UBE2D3: variants seen among roughly 807,000 people sequenced by gnomAD.
UBE2D3 encodes ubiquitin conjugating enzyme E2 D3.
A neutral mutation model predicts 22.8 loss-of-function variants in UBE2D3; 2 were observed. The observed-to-expected ratio is 0.09, with a 90% confidence interval of 0.04 to 0.28. The LOEUF (loss-of-function observed/expected upper bound fraction) is 0.28. Among genes scored for constraint, UBE2D3 ranks in the 10% least tolerant of loss-of-function variants. The probability of loss-of-function intolerance (pLI) is 1.00; values close to 1 mark genes in which losing one functional copy is unlikely to be tolerated. For synonymous variants in UBE2D3, 56 were observed against 60.4 expected, an observed-to-expected ratio of 0.93 and a Z score of 0.34; for missense variants, 27 against 182.5, an observed-to-expected ratio of 0.15 and a Z score of 4.91.
intron 4 of UBE2D3, among the ~76,000 whole-genome samples, chr4:102,805,924 TATCTC>T (rs1340970678): frequency 7.2e-5 from 11 of 152,324 alleles, no homozygotes; most frequent in Admixed American, 2.6e-4. Context: ...CTTCCTCTCT[TATCTC>T]AGAATCAAGA....
intron 2 of UBE2D3, among the ~76,000 whole-genome samples, chr4:102,815,020 A>C (rs889649195): frequency 5.9e-5 from 9 of 152,090 alleles, no homozygotes; most frequent in African/African-American, 1.7e-4. Context: ...ATATGTTAAA[A>C]TGTCTGAACA....
chr4:102,834,772 T>C (rs1056609379), intron 1 of UBE2D3, among the ~76,000 whole-genome samples: 15 of 151,810 alleles, frequency 9.9e-5, no homozygotes, highest in African/African-American at 3.6e-4. Context: ...GATTCAACTT[T>C]TTTTTTTTTT....
At chr4:102,824,394 T>C (rs924457434) in intron 2 of UBE2D3, among the ~76,000 whole-genome samples, 1 of 152,220 alleles carries the variant, frequency 6.6e-6, no homozygotes, top group Non-Finnish European at 1.5e-5. Context: ...ATTAATCCAT[T>C]TAATCGTCAA....
At chr4:102,823,313 C>T (rs1374648187) in intron 2 of UBE2D3, among the ~76,000 whole-genome samples, 1 of 152,142 alleles carries the variant, frequency 6.6e-6, no homozygotes, top group Non-Finnish European at 1.5e-5. Flanking sequence ...ATCTTCTTAA[C>T]CTCTATGCCT....
intron 2 of UBE2D3, among the ~76,000 whole-genome samples, chr4:102,822,080 G>A (rs1325725059): frequency 6.6e-6 from 1 of 152,300 alleles, no homozygotes; most frequent in East Asian, 1.9e-4. Context: ...CCTAAACTCA[G>A]GGGCAAAGTT....
At chr4:102,815,838 T>C (rs146184170) in intron 2 of UBE2D3, among the ~76,000 whole-genome samples, 1 of 152,196 alleles carries the variant, frequency 6.6e-6, no homozygotes, top group African/African-American at 2.4e-5. Flanking sequence ...CTAAGTATTT[T>C]AACAATCAAA....
chr4:102,815,029 C>G (rs1199117131), intron 2 of UBE2D3, among the ~76,000 whole-genome samples: 1 of 151,780 alleles, frequency 6.6e-6, no homozygotes, highest in African/African-American at 2.4e-5. Context: ...AATGTCTGAA[C>G]AAAAATATTT....
chr4:102,868,776 C>T (rs1733311657), exon 1 of UBE2D3: 2 of 1,614,000 alleles, frequency 1.2e-6, no homozygotes, highest in South Asian at 2.2e-5. Context: ...CACACAGTAT[C>T]CTTTCTGCTG....
chr4:102,826,667 G>T, intron 1 of UBE2D3, 31 bp from the exon 2 acceptor site: 1 of 1,526,630 alleles, frequency 6.6e-7, no homozygotes, highest in Non-Finnish European at 8.7e-7. Context: ...ATCAGCACTC[G>T]CACAGGCCCC....
At chr4:102,809,642 A>T in intron 4 of UBE2D3, 30 bp downstream of exon 4, 7 of 1,573,972 alleles carry the variant, frequency 4.4e-6, no homozygotes, top group Non-Finnish European at 5.2e-6. Context: ...TTTTCACTTA[A>T]AACTAAATTT....
At chr4:102,803,831 C>T (rs916503016) in intron 4 of UBE2D3, among the ~76,000 whole-genome samples, 4 of 152,216 alleles carry the variant, frequency 2.6e-5, no homozygotes, top group Non-Finnish European at 4.4e-5. Flanking sequence ...CGCAGTGGCA[C>T]GATCTCAGCT....
At chr4:102,798,742 T>C (rs1256986625) in intron 7 of UBE2D3, among the ~76,000 whole-genome samples, 3 of 151,722 alleles carry the variant, frequency 2.0e-5, no homozygotes, top group Non-Finnish European at 1.5e-5. Flanking sequence ...TGCAGTACTT[T>C]CAAGCAATAA....
intron 4 of UBE2D3, among the ~76,000 whole-genome samples, chr4:102,805,866 T>C (rs1479088830): frequency 3.9e-5 from 6 of 152,188 alleles, no homozygotes; most frequent in Non-Finnish European, 8.8e-5. Flanking sequence ...TGTTTATTAA[T>C]AGCAAGCCAT....
rs386626793 is a variant in UBE2D3, at chr4:102,853,135, A to ATCTTTTTTTTTTTTTTTT, written c.-129+15579_-129+15580insAAAAAAAAAAAAAAAAGA. On this transcript the variant is annotated intron_variant, in intron 1 of 7. Coordinates refer to the UBE2D3 transcript ENST00000338145. The stretch of plus-strand genomic sequence containing the variant: ...GTCAAAATTACACACAAACACACAC[A>ATCTTTTTTTTTTTTTTTT]TTTTTTTTTTTTTTTTTTTTTTTTT... Among the ~76,000 whole-genome samples, 29 of 88,606 alleles carry ATCTTTTTTTTTTTTTTTT rather than the reference A, an allele frequency of 3.3e-4. 7 individuals are homozygous for ATCTTTTTTTTTTTTTTTT. Among genetic ancestry groups the ATCTTTTTTTTTTTTTTTT allele is most frequent in the African/African-American group, 1.0e-3 (21 of 21,084 alleles). The allele number at this position is 88,606 out of a possible 152,430, so 58.1% of individuals were successfully genotyped here. A position where few individuals can be genotyped will look rare whatever the true frequency, so the allele number is the denominator to read the frequency against.
At chr4:102,826,903 G>A in intron 1 of UBE2D3, 3 of 1,043,160 alleles carry the variant, frequency 2.9e-6, no homozygotes, top group African/African-American at 1.7e-5. Context: ...GGGTGGGTGC[G>A]GGGCAGGGTC....
At chr4:102,798,862 A>C (rs1389118775) in intron 7 of UBE2D3, 1 of 1,467,678 alleles carries the variant, frequency 6.8e-7, no homozygotes, top group African/African-American at 1.4e-5. Flanking sequence ...CAGTGCCTTA[A>C]CGCATGCAGC....
intron 1 of UBE2D3, among the ~76,000 whole-genome samples, chr4:102,867,652 C>T (rs1229680699): frequency 1.3e-5 from 2 of 152,106 alleles, no homozygotes; most frequent in African/African-American, 4.8e-5. Context: ...TTTTAAAATT[C>T]GTTGGGTGTG....
intron 7 of UBE2D3, among the ~76,000 whole-genome samples, chr4:102,797,703 G>C (rs938842655): frequency 6.6e-6 from 1 of 151,870 alleles, no homozygotes; most frequent in Non-Finnish European, 1.5e-5. Context: ...ACTGAAAATT[G>C]GGAGGCTAAC....
chr4:102,831,795 C>G (rs1202762875), upstream of UBE2D3, among the ~76,000 whole-genome samples: 2 of 151,986 alleles, frequency 1.3e-5, no homozygotes, highest in Admixed American at 1.3e-4. Flanking sequence ...GGGTGAGGCA[C>G]GATAAAGAGA....
Sources: allele counts gnomAD v4.1 joint callset (sites outside exome capture counted in the v4.1 genomes callset), GRCh38; gene constraint gnomAD v4.1.1; transcripts MANE v1.5; gene names NCBI Gene and HGNC (gene_info 2026-07-23, HGNC 2026-07-21).